Variants in ZNRF1 observed in about 807,000 individuals in gnomAD.
ZNRF1 encodes the protein zinc and ring finger 1, also known as E3 ubiquitin-protein ligase ZNRF1.
Under a neutral mutation model 18.4 loss-of-function variants are expected in ZNRF1, and 3 were observed. The ratio of observed to expected loss-of-function variants is 0.16; its 90% CI spans 0.07 to 0.42. The LOEUF is 0.42. Ranked by LOEUF, ZNRF1 falls within the 10% of genes least tolerant of loss-of-function variation. The pLI is 0.99. For missense variants in ZNRF1, 310 were observed against 329.8 expected (o/e 0.94, Z 0.47); for synonymous variants, 157 against 144.2 (o/e 1.09, Z -0.64).
chr16:75,077,615 T>G (rs1362648147), intron 1 of ZNRF1, among the ~76,000 whole-genome samples: 1 of 152,238 alleles, frequency 6.6e-6, no homozygotes, highest in Non-Finnish European at 1.5e-5. Context: ...CTGTTGTTGC[T>G]GTAGCAAATA....
intron 1 of ZNRF1, chr16:75,002,307 ATC>A (rs1367909007): frequency 1.3e-5 from 2 of 152,372 alleles, no homozygotes; most frequent in African/African-American, 2.4e-5. Context: ...CTTCCAGGAC[ATC>A]TGTTTCCTCT....
At chr16:75,032,173 G>T (rs750264086) in intron 1 of ZNRF1, among the ~76,000 whole-genome samples, 1 of 146,206 alleles carries the variant, frequency 6.8e-6, no homozygotes, top group Non-Finnish European at 1.5e-5. Flanking sequence ...GCAGTGGTAC[G>T]GTCTCAGCTT....
chr16:75,074,113 C>A (rs2035908833), intron 1 of ZNRF1, among the ~76,000 whole-genome samples: 1 of 152,110 alleles, frequency 6.6e-6, no homozygotes, highest in South Asian at 2.1e-4. Flanking sequence ...CGTGCTGCTC[C>A]TTCCGCGTGC....
intron 1 of ZNRF1, among the ~76,000 whole-genome samples, chr16:75,009,483 C>T (rs949086482): frequency 1.3e-5 from 2 of 152,138 alleles, no homozygotes; most frequent in Non-Finnish European, 2.9e-5. Context: ...AAGGTTGAAT[C>T]GTATTCCATT....
chr16:75,006,592 C>T (rs886065612), intron 1 of ZNRF1, among the ~76,000 whole-genome samples: 1 of 152,108 alleles, frequency 6.6e-6, no homozygotes, highest in African/African-American at 2.4e-5. Flanking sequence ...TGCACCACCA[C>T]GCCTGACTAG....
chr16:75,016,223 G>A lies in ZNRF1; in HGVS notation c.424+16128G>A, dbSNP rs139641884. Reference sequence around the variant, plus strand: ...CAGGCATGAGCCACCGCGCCCGGCCGCTAATACTCTTTTATTTTTATTTTT... The same window carrying A: ...CAGGCATGAGCCACCGCGCCCGGCCACTAATACTCTTTTATTTTTATTTTT... On this transcript the variant is annotated intron_variant, in intron 1 of 4. Transcript: ENST00000335325. 8.9e-3 allele frequency among the ~76,000 whole-genome samples: 1,338 copies of A among 149,604 alleles called. 21 individuals carry two copies. Among genetic ancestry groups the A allele is most frequent in the African/African-American group, 0.031 (1,256 of 40,674 alleles).
chr16:75,060,256 A>G (rs1437666952), intron 1 of ZNRF1, among the ~76,000 whole-genome samples: 1 of 151,680 alleles, frequency 6.6e-6, no homozygotes, highest in African/African-American at 2.4e-5. Context: ...GTTTCACCAT[A>G]TTGACCAAGC....
rs1472786992 is a variant in ZNRF1, at chr16:74,999,090, G to C, written c.-582G>C. The C allele has an allele frequency of 6.7e-6, 1 of 148,964 alleles. No individual in the cohort carries two copies. The highest frequency in any genetic ancestry group is 2.4e-5 in the African/African-American group (1 of 41,066). The allele number at this position is 148,964 out of a possible 1,614,324, so 9.2% of individuals were successfully genotyped here. On this transcript the variant is annotated 5_prime_UTR_variant, in exon 1 of 5. Transcript: ENST00000335325. ...GGGACCGAGCGGGGCGGCGCGGCTG[G>C]CGGGGCCGGCGGCGGCTGAAGCGAG...
chr16:75,061,541 T>C (rs1231925470), intron 1 of ZNRF1, among the ~76,000 whole-genome samples: 7 of 151,590 alleles, frequency 4.6e-5, no homozygotes, highest in Non-Finnish European at 1.0e-4. Flanking sequence ...CTTCCATTCA[T>C]GTTGTTGCAG....
At position 75,000,029 on chromosome 16, in the gene ZNRF1, T is replaced by G; in HGVS notation, c.358T>G (p.Ser120Ala). 6.3e-7 allele frequency: 1 copy of G among 1,595,888 alleles called. No individual in the cohort carries two copies. The highest frequency in any genetic ancestry group is 8.5e-7 in the Non-Finnish European group (1 of 1,172,606). ...HHRDGMLYLG[S>A]RASLADALPL... Reference sequence around the variant, plus strand: ...TAGAGACGGGATGCTGTACCTGGGCTCCCGAGCCTCGCTGGCGGATGCTCT... The same window carrying G: ...TAGAGACGGGATGCTGTACCTGGGCGCCCGAGCCTCGCTGGCGGATGCTCT... The change falls in exon 1 of 5, where the codon TCC becomes GCC. Residue 120 changes from serine to alanine, a missense_variant. Ser to Ala is a moderately conservative substitution (Grantham distance 99). Transcript: ENST00000335325.
intron 1 of ZNRF1, among the ~76,000 whole-genome samples, chr16:75,078,650 T>A (rs1007354562): frequency 1.3e-5 from 2 of 152,186 alleles, no homozygotes; most frequent in African/African-American, 4.8e-5. Context: ...GATGCCAATA[T>A]TCTGGGAAGT....
rs560343339 is a variant in ZNRF1 at position 75,040,612 on chromosome 16, T to G, written c.424+40517T>G. 6.4e-3 allele frequency among the ~76,000 whole-genome samples: 881 copies of G among 138,558 alleles called. 18 individuals are homozygous for G. Among genetic ancestry groups the G allele is most frequent in the African/African-American group, 0.023 (841 of 36,992 alleles). The allele number at this position is 138,558 out of a possible 152,430, so 90.9% of individuals were successfully genotyped here. On this transcript the variant is annotated intron_variant, in intron 1 of 4. Coordinates refer to ENST00000335325, the MANE Select transcript of ZNRF1 (RefSeq NM_032268.5). Reference sequence around the variant, plus strand: ...GTTTTTTGTGGGTTTTTTTTTTTTTTTTTTTTTTTTTGAGACAGAGTTTTG... The same window carrying G: ...GTTTTTTGTGGGTTTTTTTTTTTTTGTTTTTTTTTTTGAGACAGAGTTTTG...
chr16:75,015,450 T>A (rs999318621), intron 1 of ZNRF1, among the ~76,000 whole-genome samples: 3 of 152,124 alleles, frequency 2.0e-5, no homozygotes, highest in African/African-American at 7.2e-5. Context: ...TGGCACATGC[T>A]TGTAATCCCA....
chr16:75,091,757 A>G (rs1464056928), intron 1 of ZNRF1, among the ~76,000 whole-genome samples: 1 of 151,606 alleles, frequency 6.6e-6, no homozygotes, highest in South Asian at 2.1e-4. Context: ...GGCTGGTCTC[A>G]AACTCCTGAG....
intron 1 of ZNRF1, among the ~76,000 whole-genome samples, chr16:75,053,928 T>C (rs1417962602): frequency 6.6e-6 from 1 of 152,236 alleles, no homozygotes; most frequent in Non-Finnish European, 1.5e-5. Context: ...GCAAGTTCTT[T>C]GTTACATATT....
chr16:75,069,477 G>A (rs1312854403), intron 1 of ZNRF1, among the ~76,000 whole-genome samples: 5 of 152,074 alleles, frequency 3.3e-5, no homozygotes, highest in East Asian at 3.9e-4. Flanking sequence ...ACAGTGGCGC[G>A]ATCTCGGCTC....
chr16:75,015,833 A>G (rs75925274), intron 1 of ZNRF1, among the ~76,000 whole-genome samples: 1 of 151,502 alleles, frequency 6.6e-6, no homozygotes, highest in Non-Finnish European at 1.5e-5. Flanking sequence ...GGATATATAT[A>G]TTTTTCCATA....
intron 1 of ZNRF1, among the ~76,000 whole-genome samples, chr16:75,002,918 C>T (rs1027499048): frequency 6.6e-6 from 1 of 152,204 alleles, no homozygotes; most frequent in African/African-American, 2.4e-5. Flanking sequence ...AAATTGGCCC[C>T]TCCGGTTATT....
Position 75,047,262 on chromosome 16 carries a change from T to C in ZNRF1, c.425-46310T>C, listed in dbSNP as rs927005360. ...ATCACAGTTCACTGTAATCTTGAACTCCTGGGCTCAAGCAGTCTTCCTGCT... is the reference window on the plus strand; with the variant it reads ...ATCACAGTTCACTGTAATCTTGAACCCCTGGGCTCAAGCAGTCTTCCTGCT... On this transcript the variant is annotated intron_variant, in intron 1 of 4. Coordinates refer to ENST00000335325, the MANE Select transcript of ZNRF1 (RefSeq NM_032268.5). Among the ~76,000 whole-genome samples the C allele has an allele frequency of 2.6e-5, 4 of 152,318 alleles. No homozygotes were observed. The South Asian group carries it at 6.2e-4, about 24-fold the overall frequency.
Sources: allele counts gnomAD v4.1 joint callset (sites outside exome capture counted in the v4.1 genomes callset), GRCh38; gene constraint gnomAD v4.1.1; transcripts MANE v1.5; gene names NCBI Gene and HGNC (gene_info 2026-07-23, HGNC 2026-07-21).